Variants in USP24 observed in about 807,000 individuals in gnomAD.
USP24 encodes ubiquitin specific peptidase 24, also known as ubiquitin carboxyl-terminal hydrolase 24.
Under a neutral mutation model 361.6 loss-of-function variants are expected in USP24, and 97 were observed. The observed-to-expected ratio is 0.27, with a 90% CI of 0.23 to 0.32. USP24 has a LOEUF of 0.32. Ranked by LOEUF, USP24 falls within the 10% of genes least tolerant of loss-of-function variation. USP24 has a pLI of 1.00. For synonymous variants in USP24, 1,098 were observed against 1,124.6 expected (o/e 0.98, Z 0.47); for missense variants, 2,353 against 3,165.6 (o/e 0.74, Z 6.16).
At chr1:55,074,675 TAA>T (rs1644989173) in intron 63 of USP24, among the ~76,000 whole-genome samples, 6 of 145,728 alleles carry the variant, frequency 4.1e-5, no homozygotes, top group Non-Finnish European at 9.1e-5. Context: ...AATAAATAAA[TAA>T]ATAAAAATAA....
At chr1:55,086,925 G>C (rs74398170) in intron 55 of USP24, among the ~76,000 whole-genome samples, 6,705 of 152,072 alleles carry the variant, frequency 0.044, 386 homozygotes, top group African/African-American at 0.13. Flanking sequence ...ACAATAAAAG[G>C]CTCTTTAAAA....
chr1:55,213,682 G>A (rs1410307797), intron 1 of USP24, among the ~76,000 whole-genome samples: 1 of 152,148 alleles, frequency 6.6e-6, no homozygotes, highest in Non-Finnish European at 1.5e-5. Flanking sequence ...CAAAATTCCT[G>A]CCATGAGCTA....
At chr1:55,145,521 T>C (rs771037893) in intron 20 of USP24, among the ~76,000 whole-genome samples, 37 of 152,170 alleles carry the variant, frequency 2.4e-4, no homozygotes, top group Admixed American at 5.9e-4. Context: ...AAGTGACTGT[T>C]AATGGGTATA....
intron 32 of USP24, among the ~76,000 whole-genome samples, chr1:55,128,625 G>A (rs1011523551): frequency 6.6e-6 from 1 of 150,828 alleles, no homozygotes; most frequent in African/African-American, 2.4e-5. Context: ...CTAACCTTAT[G>A]ACCCTAAGCA....
At chr1:55,123,301 A>G in intron 36 of USP24, 146 bp downstream of exon 36, 1 of 900,338 alleles carries the variant, frequency 1.1e-6, no homozygotes, top group Non-Finnish European at 1.6e-6. Context: ...CTATTTTAGC[A>G]TTATTCTTAG....
chr1:55,115,244 C>T (rs1010829277), intron 38 of USP24, among the ~76,000 whole-genome samples: 6 of 151,862 alleles, frequency 4.0e-5, no homozygotes, highest in African/African-American at 1.5e-4. Context: ...CAAGGCCGGG[C>T]GCGGTGGCTC....
At chr1:55,135,252 T>C (rs1646701938) in intron 28 of USP24, among the ~76,000 whole-genome samples, 1 of 152,176 alleles carries the variant, frequency 6.6e-6, no homozygotes, top group Admixed American at 6.5e-5. Flanking sequence ...CCCAAACTAC[T>C]AGGATTACAG....
intron 47 of USP24, 52 bp downstream of exon 47, chr1:55,097,890 CA>C (rs1645534024): frequency 6.4e-7 from 1 of 1,552,076 alleles, no homozygotes; most frequent in Admixed American, 2.1e-5. Flanking sequence ...AACAAAGACG[CA>C]CTATGCGAAT....
At position 55,209,474 on chromosome 1, in the gene USP24, T is replaced by C. The variant is rs565986577; in HGVS notation, c.324+5316A>G. 3.3e-5 allele frequency among the ~76,000 whole-genome samples: 5 copies of C among 152,266 alleles called. No homozygotes were observed. The South Asian group carries it at 1.0e-3, about 32-fold the overall frequency. On this transcript the variant is annotated intron_variant, in intron 1 of 67. Coordinates refer to ENST00000294383, the MANE Select transcript of USP24 (RefSeq NM_015306.3). ...TTTGGTTGAGTCGGCTTTTAAAGCT[T>C]TCCTGTTCCCTCCTTGACCACTAAG...
At chr1:55,117,279 C>T (rs1205034170) in intron 38 of USP24, among the ~76,000 whole-genome samples, 1 of 152,138 alleles carries the variant, frequency 6.6e-6, no homozygotes, top group Non-Finnish European at 1.5e-5. Context: ...ACAAGGATGC[C>T]CACTTTTACC....
At chr1:55,097,822 A>T in intron 47 of USP24, 105 bp from the exon 48 acceptor site, 1 of 1,506,488 alleles carries the variant, frequency 6.6e-7, no homozygotes, top group Non-Finnish European at 8.9e-7. Context: ...ATGTGAAAAC[A>T]AGTAATGACA....
intron 1 of USP24, among the ~76,000 whole-genome samples, chr1:55,206,984 T>C (rs1214792131): frequency 3.9e-5 from 6 of 151,970 alleles, no homozygotes; most frequent in African/African-American, 1.5e-4. Context: ...CTGCGCAACA[T>C]GGCGAAACCC....
chr1:55,185,064 C>T (rs1313731413), intron 1 of USP24, among the ~76,000 whole-genome samples: 1 of 151,846 alleles, frequency 6.6e-6, no homozygotes, highest in South Asian at 2.1e-4. Flanking sequence ...CTCAAGGGAT[C>T]CTCCCACTTC....
chr1:55,071,977 C>T, intron 66 of USP24, 53 bp from the exon 67 acceptor site: 4 of 1,462,854 alleles, frequency 2.7e-6, no homozygotes, highest in South Asian at 1.2e-5. Flanking sequence ...TCAGTGGCAG[C>T]AGCAACCGCC....
intron 59 of USP24, among the ~76,000 whole-genome samples, chr1:55,080,750 T>A (rs963744781): frequency 6.6e-6 from 1 of 152,148 alleles, no homozygotes; most frequent in African/African-American, 2.4e-5. Flanking sequence ...ATAGGACAAT[T>A]TGTGGTTTTG....
chr1:55,181,686 A>C (rs574513804), intron 1 of USP24, among the ~76,000 whole-genome samples: 7 of 152,192 alleles, frequency 4.6e-5, no homozygotes, highest in Non-Finnish European at 8.8e-5. Context: ...TCATACATAA[A>C]ATCATCAAAT....
At chr1:55,169,022 G>A (rs1313804062) in intron 5 of USP24, among the ~76,000 whole-genome samples, 1 of 152,032 alleles carries the variant, frequency 6.6e-6, no homozygotes, top group Admixed American at 6.6e-5. Flanking sequence ...GTAAAAGCCA[G>A]CAGAATCAGA....
At chr1:55,069,382 A>G (rs1644873950) in intron 67 of USP24, among the ~76,000 whole-genome samples, 1 of 152,264 alleles carries the variant, frequency 6.6e-6, no homozygotes, top group Admixed American at 6.5e-5. Context: ...AACGCAGAGC[A>G]GTGATAAAGC....
intron 38 of USP24, among the ~76,000 whole-genome samples, chr1:55,111,951 T>A (rs770648668): frequency 6.6e-6 from 1 of 152,004 alleles, no homozygotes; most frequent in Non-Finnish European, 1.5e-5. Flanking sequence ...ACACAATTAA[T>A]CCTGTAATAA....
Sources: allele counts gnomAD v4.1 joint callset (sites outside exome capture counted in the v4.1 genomes callset), GRCh38; gene constraint gnomAD v4.1.1; transcripts MANE v1.5; gene names NCBI Gene and HGNC (gene_info 2026-07-23, HGNC 2026-07-21).